ANAPC1: variants seen among roughly 807,000 people sequenced by gnomAD.
The protein encoded by ANAPC1 is anaphase promoting complex subunit 1.
ANAPC1 carries 36 observed loss-of-function variants against 208.0 expected under a neutral mutation model. The ratio of observed to expected loss-of-function variants is 0.17; its 90% confidence interval spans 0.13 to 0.23. The LOEUF is 0.23. Ranked by LOEUF, ANAPC1 falls within the 10% of genes least tolerant of loss-of-function variation. The pLI, the probability that ANAPC1 is intolerant of heterozygous loss-of-function variation, is 1.00. For missense variants in ANAPC1, 942 were observed against 2,011.6 expected, an observed-to-expected ratio of 0.47 and a Z score of 10.17; for synonymous variants, 378 against 695.2, an observed-to-expected ratio of 0.54 and a Z score of 7.18.
intron 13 of ANAPC1, among the ~76,000 whole-genome samples, chr2:111,852,697 G>T (rs1681470986): frequency 6.6e-6 from 1 of 151,796 alleles, no homozygotes; most frequent in Admixed American, 6.6e-5. Flanking sequence ...TCCTGTTTTT[G>T]TACAGTCTGT....
chr2:111,768,862 G>C lies in ANAPC1; in HGVS notation c.*429C>G, dbSNP rs1676568346. On this transcript the variant is annotated 3_prime_UTR_variant, in exon 48 of 48. Coordinates refer to ENST00000341068, the MANE Select transcript of ANAPC1 (RefSeq NM_022662.4). ...CAAACTTATTTTAGACAGGACAACT[G>C]TGACATCTGAGGAAATGCTAAAGCG... 6.1e-6 allele frequency: 1 copy of C among 165,114 alleles called. No individual in the cohort carries two copies. The highest frequency in any genetic ancestry group is 2.4e-5 in the African/African-American group (1 of 41,534). The allele number at this position is 165,114 out of a possible 1,614,324, so 10.2% of individuals were successfully genotyped here.
rs574274325 is a variant in ANAPC1, at chr2:111,848,993, T to G, written c.1651-1128A>C. Among the ~76,000 whole-genome samples the G allele has an allele frequency of 2.0e-5, 3 of 152,374 alleles. No homozygotes were observed. The South Asian group carries it at 6.2e-4, about 32-fold the overall frequency. ...TAAACGATCTTAGTTACTATCTACATGCAGATGCTTCCAATCTTAAACTCT... is the reference window on the plus strand; with the variant it reads ...TAAACGATCTTAGTTACTATCTACAGGCAGATGCTTCCAATCTTAAACTCT... On this transcript the variant is annotated intron_variant, in intron 14 of 47. Transcript: ENST00000341068.
intron 21 of ANAPC1, among the ~76,000 whole-genome samples, chr2:111,826,626 T>C (rs62165377): frequency 0.069 from 10,458 of 152,096 alleles, 563 homozygotes; most frequent in South Asian, 0.21. Flanking sequence ...GGTTCCAGTT[T>C]GTGGTCACTA....
intron 7 of ANAPC1, 52 bp from the exon 8 acceptor site, chr2:111,865,003 T>C: frequency 6.5e-7 from 1 of 1,535,026 alleles, no homozygotes; most frequent in Non-Finnish European, 8.7e-7. Context: ...TTTACAAGAC[T>C]GATATTTATG....
At chr2:111,883,899 G>A (rs890105228) in intron 1 of ANAPC1, 43 bp downstream of exon 1, 12 of 152,362 alleles carry the variant, frequency 7.9e-5, no homozygotes, top group African/African-American at 2.9e-4. Context: ...AGAGTCACGC[G>A]GCGCGCGACA....
chr2:111,880,185 C>T (rs1208892743), intron 2 of ANAPC1, among the ~76,000 whole-genome samples: 2 of 152,024 alleles, frequency 1.3e-5, no homozygotes, highest in African/African-American at 4.8e-5. Context: ...ATCAGCCTGA[C>T]CAACATGGAG....
chr2:111,879,458 T>C (rs1195885329), intron 2 of ANAPC1, among the ~76,000 whole-genome samples: 1 of 152,206 alleles, frequency 6.6e-6, no homozygotes, highest in Admixed American at 6.5e-5. Context: ...AAGTTTCCAT[T>C]TGTAACTACA....
At chr2:111,792,594 T>C (rs1277678201) in intron 37 of ANAPC1, 39 bp from the exon 38 acceptor site, 2 of 1,576,854 alleles carry the variant, frequency 1.3e-6, no homozygotes. Context: ...AACTGTTGTG[T>C]TACATTTCTT....
At chr2:111,820,180 A>G (rs112240210) in intron 26 of ANAPC1, among the ~76,000 whole-genome samples, 17,651 of 151,682 alleles carry the variant, frequency 0.12, 977 homozygotes, top group Non-Finnish European at 0.15. Context: ...AAAAACTTGC[A>G]TCTTAGAATC....
intron 39 of ANAPC1, among the ~76,000 whole-genome samples, chr2:111,787,235 G>A (rs1480196253): frequency 2.7e-5 from 4 of 146,662 alleles, no homozygotes; most frequent in Non-Finnish European, 6.0e-5. Context: ...CCAGCAGTAC[G>A]TGAGTGTGGC....
intron 11 of ANAPC1, among the ~76,000 whole-genome samples, chr2:111,857,722 C>A (rs1289608163): frequency 6.6e-6 from 1 of 152,190 alleles, no homozygotes; most frequent in Admixed American, 6.5e-5. Context: ...CATATGTCCA[C>A]ATTTTTGCTC....
chr2:111,778,421 AG>A (rs1208562330), intron 45 of ANAPC1, among the ~76,000 whole-genome samples: 19 of 148,128 alleles, frequency 1.3e-4, no homozygotes, highest in Non-Finnish European at 6.0e-5. Context: ...TCTCCTAGTC[AG>A]GGGAGACAAA....
In ANAPC1 at chr2:111,820,021, GAAC is replaced by G. The variant is rs1008190301; in HGVS notation, c.3207-1066_3207-1064del. Reference sequence around the variant, plus strand: ...TGCGCAAGTAACAAAATTATAATGAGAACAATATTATATCCCCTGAATATAAGA... The same window carrying G: ...TGCGCAAGTAACAAAATTATAATGAGAATATTATATCCCCTGAATATAAGA... On this transcript the variant is annotated intron_variant, in intron 26 of 47. Coordinates refer to ENST00000341068, the MANE Select transcript of ANAPC1 (RefSeq NM_022662.4). Among the ~76,000 whole-genome samples, 10 of 152,156 alleles carry G rather than the reference GAAC, an allele frequency of 6.6e-5. No individual in the cohort carries two copies. In the East Asian group the frequency reaches 1.9e-3, roughly 29 times the overall value.
chr2:111,848,006 C>T (rs1681187060), intron 14 of ANAPC1, 141 bp from the exon 15 acceptor site: 1 of 550,260 alleles, frequency 1.8e-6, no homozygotes, highest in East Asian at 3.2e-5. Flanking sequence ...CCAAGCCAAG[C>T]ATGGTGGTGC....
chr2:111,831,825 T>TA (rs1558700769), intron 20 of ANAPC1, among the ~76,000 whole-genome samples: 27 of 64,800 alleles, frequency 4.2e-4, no homozygotes, highest in Admixed American at 6.1e-4. Flanking sequence ...AGACTCTGTC[T>TA]CAAAAAAAAA....
intron 33 of ANAPC1, 132 bp downstream of exon 33, chr2:111,802,296 C>T: frequency 1.5e-6 from 1 of 667,420 alleles, no homozygotes; most frequent in Non-Finnish European, 2.7e-6. Flanking sequence ...CTCCTGGACT[C>T]AAGCAATCCT....
At chr2:111,862,261 T>C (rs1451757890) in intron 10 of ANAPC1, 128 bp downstream of exon 10, 76 of 925,506 alleles carry the variant, frequency 8.2e-5, no homozygotes, top group Non-Finnish European at 1.0e-4. Flanking sequence ...CCTTAATACA[T>C]ATCTCTATAT....
chr2:111,873,226 G>C (rs1353562918), intron 5 of ANAPC1, 82 bp downstream of exon 5: 3 of 1,286,328 alleles, frequency 2.3e-6, no homozygotes, highest in East Asian at 5.1e-5. Context: ...CGAAACATGA[G>C]ACATAAGACA....
intron 16 of ANAPC1, among the ~76,000 whole-genome samples, chr2:111,844,139 C>A (rs1347161450): frequency 3.3e-5 from 5 of 151,960 alleles, no homozygotes; most frequent in African/African-American, 9.7e-5. Context: ...GCTTTTTGAT[C>A]ATTAATTTTG....
Sources: gnomAD v4.1 joint callset for allele counts (sites outside exome capture counted in the v4.1 genomes callset) on GRCh38, gnomAD v4.1.1 for gene constraint, MANE v1.5 for transcripts, NCBI Gene and HGNC (gene_info 2026-07-23, HGNC 2026-07-21) for gene names.